The following PRMT8 variants were observed in gnomAD, a reference collection of about 807,000 sequenced individuals.
The protein encoded by PRMT8 is protein arginine methyltransferase 8, also known as protein arginine N-methyltransferase 8.
A neutral mutation model predicts 47.1 loss-of-function variants in PRMT8; 7 were observed. The observed-to-expected ratio is 0.15, with a 90% confidence interval of 0.08 to 0.28. PRMT8 has a LOEUF of 0.28. Ranked by LOEUF, PRMT8 falls within the 10% of genes least tolerant of loss-of-function variation. The pLI is 1.00. For missense variants in PRMT8, 237 were observed against 505.4 expected, an observed-to-expected ratio of 0.47 and a Z score of 5.09; for synonymous variants, 188 against 186.5, an observed-to-expected ratio of 1.01 and a Z score of -0.07.
At position 3,528,706 on chromosome 12, in the gene PRMT8, AT is replaced by A. The variant is rs145487929; in HGVS notation, c.76-11895del. Among the ~76,000 whole-genome samples, 1,454 of 151,952 alleles carry A rather than the reference AT, an allele frequency of 9.6e-3. 13 individuals are homozygous for A. The highest frequency in any genetic ancestry group is 0.057 in the East Asian group (294 of 5,158). ...TTCTTGCTTCTTTGCAAGCCTAGTAATTTTTGACTAGATGCCAGACATTGTA... is the reference window on the plus strand; with the variant it reads ...TTCTTGCTTCTTTGCAAGCCTAGTAATTTTGACTAGATGCCAGACATTGTA... On this transcript the variant is annotated intron_variant, in intron 1 of 9. Coordinates refer to ENST00000382622, the MANE Select transcript of PRMT8 (RefSeq NM_019854.5).
At chr12:3,584,914 C>T (rs2137231150) in intron 8 of PRMT8, among the ~76,000 whole-genome samples, 1 of 152,286 alleles carries the variant, frequency 6.6e-6, no homozygotes, top group South Asian at 2.1e-4. Flanking sequence ...CTCCACACTG[C>T]CCTCAGCTAC....
chr12:3,546,687 T>G (rs1207949782), intron 2 of PRMT8, among the ~76,000 whole-genome samples: 1 of 152,168 alleles, frequency 6.6e-6, no homozygotes, highest in Admixed American at 6.5e-5. Context: ...ATATGAAACT[T>G]CCTATAAGAG....
intron 1 of PRMT8, among the ~76,000 whole-genome samples, chr12:3,398,628 A>G (rs980963225): frequency 2.0e-5 from 3 of 152,182 alleles, no homozygotes; most frequent in African/African-American, 7.2e-5. Flanking sequence ...CTGCTCATCC[A>G]ACCATCCAGC....
Position 3,540,641 on chromosome 12 carries a change from C to T in PRMT8, c.111C>T (p.Val37=), listed in dbSNP as rs201006219. ...CCCCCTCCCAGCCCCCCCAGCCCGTCGTCCCTGCTAAGCCCGTGCAATGCG... is the reference window on the plus strand; with the variant it reads ...CCCCCTCCCAGCCCCCCCAGCCCGTTGTCCCTGCTAAGCCCGTGCAATGCG... The part of the protein sequence containing the change: ...NSPPSQPPQP[V]VPAKPVQCVH... Residue 37 remains valine, a synonymous_variant, in exon 2 of 10, where the codon GTC becomes GTT. Coordinates refer to ENST00000382622, the MANE Select transcript of PRMT8 (RefSeq NM_019854.5). The T allele has an allele frequency of 1.2e-5, 19 of 1,533,500 alleles. No individual in the cohort carries two copies. The East Asian group carries it at 1.6e-4, about 13-fold the overall frequency. 95.0% of individuals were successfully genotyped at this position (1,533,500 alleles called of 1,614,324 possible). A position where few individuals can be genotyped will look rare whatever the true frequency, so the allele number is the denominator to read the frequency against.
chr12:3,575,901 C>T (rs1866934038), intron 6 of PRMT8, among the ~76,000 whole-genome samples: 1 of 152,168 alleles, frequency 6.6e-6, no homozygotes, highest in Non-Finnish European at 1.5e-5. Context: ...TGCCTGTAAT[C>T]CCAGCTACTC....
chr12:3,535,608 G>T lies in PRMT8; in HGVS notation c.76-4998G>T, dbSNP rs139873297. 2.0e-5 allele frequency among the ~76,000 whole-genome samples: 3 copies of T among 152,140 alleles called. No individual in the cohort carries two copies. The highest frequency in any genetic ancestry group is 7.2e-5 in the African/African-American group (3 of 41,416). ...CAACAGGACAAGGCTGGAGGCGATG[G>T]TGCAGAAACAGGTACCAGAACCGAC... On this transcript the variant is annotated intron_variant, in intron 1 of 9. Transcript: ENST00000382622. The surrounding 1 kb of genome is among the most constrained non-coding windows in gnomAD (Gnocchi z 4.7).
chr12:3,593,274 C>T lies in PRMT8; in HGVS notation c.*92C>T. On this transcript the variant is annotated 3_prime_UTR_variant, in exon 10 of 10. Coordinates refer to ENST00000382622, the MANE Select transcript of PRMT8 (RefSeq NM_019854.5). This position sits in a 1 kb window ranked among gnomAD's most constrained non-coding sequence, Gnocchi z 4.8. ...AAAGAATACCGTTTGCAGGACTACA[C>T]ACTTGAAAACCAGAGTTTTCAACTC... 1 of 1,090,294 alleles carries T rather than the reference C, an allele frequency of 9.2e-7. No individual in the cohort carries two copies. Among genetic ancestry groups the T allele is most frequent in the Non-Finnish European group, 1.3e-6 (1 of 743,472 alleles). 67.5% of individuals were successfully genotyped at this position (1,090,294 alleles called of 1,614,324 possible). A position where few individuals can be genotyped will look rare whatever the true frequency, so the allele number is the denominator to read the frequency against.
Position 3,576,826 on chromosome 12 carries a change from C to T in PRMT8, c.713-45C>T. 2 of 1,524,646 alleles carry T rather than the reference C, an allele frequency of 1.3e-6. No homozygotes were observed. The highest frequency in any genetic ancestry group is 1.8e-6 in the Non-Finnish European group (2 of 1,101,238). 94.4% of individuals were successfully genotyped at this position (1,524,646 alleles called of 1,614,324 possible). On this transcript the variant is annotated intron_variant, in intron 6 of 9. Transcript: ENST00000382622. This position sits in a 1 kb window ranked among gnomAD's most constrained non-coding sequence, Gnocchi z 4.0. ...GGACTCAGGAGGGTTGGGTGAGCTT[C>T]TGGGGGTCCTGCGCCTGCCTTCACG...
chr12:3,429,626 G>A (rs1287358223), intron 1 of PRMT8, among the ~76,000 whole-genome samples: 1 of 152,192 alleles, frequency 6.6e-6, no homozygotes, highest in African/African-American at 2.4e-5. Context: ...AAAAACCAAA[G>A]TGACAGTACA....
At chr12:3,485,334 G>A (rs912020235) in intron 1 of PRMT8, among the ~76,000 whole-genome samples, 2 of 152,176 alleles carry the variant, frequency 1.3e-5, no homozygotes, top group Non-Finnish European at 2.9e-5. Flanking sequence ...GATCCAGGGC[G>A]ATGTTGGGTA....
At chr12:3,417,294 G>T (rs1322495033) in intron 1 of PRMT8, among the ~76,000 whole-genome samples, 5 of 152,230 alleles carry the variant, frequency 3.3e-5, no homozygotes, top group African/African-American at 1.2e-4. Context: ...ACACAGGGGT[G>T]GGGAGAGAGA....
intron 1 of PRMT8, among the ~76,000 whole-genome samples, chr12:3,513,686 G>A (rs1865746409): frequency 6.6e-6 from 1 of 152,098 alleles, no homozygotes; most frequent in Admixed American, 6.5e-5. Flanking sequence ...GGATCCTTTT[G>A]GAAAGCCAGC....
rs1444022549 is a variant in PRMT8, at chr12:3,564,376, A to T, written c.482-4330A>T. On this transcript the variant is annotated intron_variant, in intron 4 of 9. Coordinates refer to ENST00000382622, the MANE Select transcript of PRMT8 (RefSeq NM_019854.5). The surrounding 1 kb of genome is among the most constrained non-coding windows in gnomAD (Gnocchi z 4.0). ...GATGGATGCACTGGAGGCTCAAATGAGGTTGAGCTGGCCTGATTTGTTTAA... is the reference window on the plus strand; with the variant it reads ...GATGGATGCACTGGAGGCTCAAATGTGGTTGAGCTGGCCTGATTTGTTTAA... 2.0e-5 allele frequency among the ~76,000 whole-genome samples: 3 copies of T among 152,196 alleles called. No homozygotes were observed. Among genetic ancestry groups the T allele is most frequent in the Non-Finnish European group, 4.4e-5 (3 of 68,024 alleles).
intron 1 of PRMT8, among the ~76,000 whole-genome samples, chr12:3,476,312 A>G (rs1156800201): frequency 2.0e-5 from 3 of 152,124 alleles, no homozygotes; most frequent in African/African-American, 4.8e-5. Context: ...GTTCTCCTCT[A>G]TGTAGGGTGC....
rs776724641 is a variant in PRMT8 at position 3,583,348 on chromosome 12, A to G, written c.979+140A>G. ...TGACACCTATCAACCCTCTCCAGCCATGGAGGAACCATGCATCCCTATATT... is the reference window on the plus strand; with the variant it reads ...TGACACCTATCAACCCTCTCCAGCCGTGGAGGAACCATGCATCCCTATATT... On this transcript the variant is annotated intron_variant, in intron 8 of 9. Transcript: ENST00000382622. This position sits in a 1 kb window ranked among gnomAD's most constrained non-coding sequence, Gnocchi z 4.7. 7.6e-5 allele frequency: 70 copies of G among 921,136 alleles called. No individual in the cohort carries two copies. Among genetic ancestry groups the G allele is most frequent in the Non-Finnish European group, 1.1e-4 (67 of 624,798 alleles). 57.1% of individuals were successfully genotyped at this position (921,136 alleles called of 1,614,324 possible). A position where few individuals can be genotyped will look rare whatever the true frequency, so the allele number is the denominator to read the frequency against.
At chr12:3,525,852 G>A (rs1865943515) in intron 1 of PRMT8, among the ~76,000 whole-genome samples, 1 of 151,950 alleles carries the variant, frequency 6.6e-6, no homozygotes, top group African/African-American at 2.4e-5. Flanking sequence ...TTCTCCAATT[G>A]TTTTATTTTG....
At chr12:3,587,967 A>C (rs1591618052) in intron 8 of PRMT8, among the ~76,000 whole-genome samples, 1 of 151,190 alleles carries the variant, frequency 6.6e-6, no homozygotes, top group Non-Finnish European at 1.5e-5. Context: ...TGCCCCCCCC[A>C]CCACAACACA....
At chr12:3,411,386 C>T (rs1293222659) in intron 1 of PRMT8, among the ~76,000 whole-genome samples, 2 of 152,124 alleles carry the variant, frequency 1.3e-5, no homozygotes, top group African/African-American at 4.8e-5. Context: ...CTTTCAGTTG[C>T]CTTCAAACAA....
chr12:3,388,265 T>A (rs1411848188), intron 1 of PRMT8, among the ~76,000 whole-genome samples: 1 of 152,192 alleles, frequency 6.6e-6, no homozygotes, highest in Non-Finnish European at 1.5e-5. Context: ...TAGTTTAGAT[T>A]TGTGTGATGT....
Sources: allele counts gnomAD v4.1 joint callset (sites outside exome capture counted in the v4.1 genomes callset), GRCh38; gene constraint gnomAD v4.1.1; non-coding constraint Gnocchi (gnomAD v3.1); transcripts MANE v1.5; gene names NCBI Gene and HGNC (gene_info 2026-07-23, HGNC 2026-07-21).